NVL: variants seen among roughly 807,000 people sequenced by gnomAD.
The protein encoded by NVL is nuclear VCP like.
A neutral mutation model predicts 110.2 loss-of-function variants in NVL; 84 were observed. The ratio of observed to expected loss-of-function variants is 0.76; its 90% confidence interval spans 0.64 to 0.91. NVL has a LOEUF of 0.91. Among genes scored for constraint, NVL ranks in the 40% least tolerant of loss-of-function variants. The pLI is 0.00. For synonymous variants in NVL, 354 were observed against 361.1 expected (o/e 0.98, Z 0.22); for missense variants, 882 against 1,035.9 (o/e 0.85, Z 2.04).
intron 19 of NVL, among the ~76,000 whole-genome samples, chr1:224,243,840 T>G (rs1661492757): frequency 6.6e-6 from 1 of 151,570 alleles, no homozygotes; most frequent in African/African-American, 2.4e-5. Flanking sequence ...TTTTGTATTT[T>G]TAGTAGAGAC....
intron 18 of NVL, among the ~76,000 whole-genome samples, chr1:224,254,998 A>AGTAGCTGGGATTCCAGGCATGCACCAC (rs1170806693): frequency 6.6e-6 from 1 of 151,020 alleles, no homozygotes. Context: ...CAGCCTCCCA[A>AGTAGCTGGGATTCCAGGCATGCACCAC]GTAGCTGGGA....
chr1:224,254,563 GTTTT>G (rs71572893), intron 18 of NVL, among the ~76,000 whole-genome samples: 1 of 36,702 alleles, frequency 2.7e-5, no homozygotes. Flanking sequence ...CGGCTAATTT[GTTTT>G]TTTTGTTTTT....
In NVL at chr1:224,289,746, C is replaced by A. The variant is rs1558311776; in HGVS notation, c.1326-13G>T. 4 of 1,590,104 alleles carry A rather than the reference C, an allele frequency of 2.5e-6. No individual in the cohort carries two copies. The highest frequency in any genetic ancestry group is 3.6e-5 in the Admixed American group (2 of 56,288). ...TGTTTGAAGTATTCTGTAGAAAAGA[C>A]AGGGGAAAAAATTTCTGATTCCTGA... On this transcript the variant is annotated splice_polypyrimidine_tract_variant and intron_variant, in intron 12 of 22. Transcript: ENST00000281701.
At chr1:224,324,746 G>A (rs1670976429) in intron 2 of NVL, among the ~76,000 whole-genome samples, 1 of 152,198 alleles carries the variant, frequency 6.6e-6, no homozygotes, top group African/African-American at 2.4e-5. Flanking sequence ...ATATTGAGAT[G>A]AGAGTTTGGA....
At chr1:224,227,700 G>A (rs1377815262) in intron 22 of NVL, 30 bp from the exon 23 acceptor site, 16 of 1,599,272 alleles carry the variant, frequency 1.0e-5, no homozygotes, top group Non-Finnish European at 1.4e-5. Flanking sequence ...AGAATACAGA[G>A]ACCGTCACTG....
intron 10 of NVL, among the ~76,000 whole-genome samples, chr1:224,298,934 A>T (rs1360618040): frequency 6.6e-6 from 1 of 152,206 alleles, no homozygotes; most frequent in African/African-American, 2.4e-5. Context: ...AAATTCTGTT[A>T]TATATATTTT....
chr1:224,283,967 G>A (rs1008775596), intron 15 of NVL, among the ~76,000 whole-genome samples: 5 of 152,140 alleles, frequency 3.3e-5, no homozygotes, highest in Non-Finnish European at 7.4e-5. Context: ...CTATAATTTG[G>A]TTGCTGTTGT....
chr1:224,273,150 C>T (rs543703430), intron 17 of NVL, among the ~76,000 whole-genome samples: 2 of 151,436 alleles, frequency 1.3e-5, no homozygotes, highest in East Asian at 2.0e-4. Context: ...TGGTGGCTCA[C>T]GCCTCTAATC....
At chr1:224,287,288 A>G (rs1375188289) in intron 14 of NVL, among the ~76,000 whole-genome samples, 2 of 152,216 alleles carry the variant, frequency 1.3e-5, no homozygotes, top group Non-Finnish European at 2.9e-5. Context: ...GATGAGTATA[A>G]TGAAGAGAAG....
At chr1:224,239,093 T>C (rs922989447) in intron 19 of NVL, among the ~76,000 whole-genome samples, 2 of 152,184 alleles carry the variant, frequency 1.3e-5, no homozygotes, top group Non-Finnish European at 2.9e-5. Flanking sequence ...TAACAATTCA[T>C]GGAGCTGGAC....
chr1:224,267,348 A>T lies in NVL; in HGVS notation c.2182+686T>A, dbSNP rs904211712. Among the ~76,000 whole-genome samples the T allele has an allele frequency of 5.9e-5, 9 of 152,164 alleles. 1 individual carries two copies. The highest frequency in any genetic ancestry group is 5.9e-4 in the Admixed American group (9 of 15,262). ...GTCTCGTTTTTGTTTCCTATAAGCT[A>T]GAGAGAAACCACAAAACACAAATTC... On this transcript the variant is annotated intron_variant, in intron 18 of 22. Coordinates refer to ENST00000281701, the MANE Select transcript of NVL (RefSeq NM_002533.4).
intron 6 of NVL, 134 bp downstream of exon 6, chr1:224,307,857 G>A: frequency 1.3e-6 from 1 of 741,158 alleles, no homozygotes; most frequent in South Asian, 2.8e-5. Context: ...GCAGTGCAAT[G>A]TGATCAAATT....
rs544735359 is a variant in NVL at position 224,254,836 on chromosome 1, G to A, written c.2183-4518C>T. 1.1e-4 allele frequency among the ~76,000 whole-genome samples: 16 copies of A among 150,858 alleles called. No homozygotes were observed. In the South Asian group the frequency reaches 2.9e-3, roughly 28 times the overall value. Reference sequence around the variant, plus strand: ...AGATCACTTAAAATCTACTTTCTTGGCAATTTTCAAGTACCTTTTGGCTAC... The same window carrying A: ...AGATCACTTAAAATCTACTTTCTTGACAATTTTCAAGTACCTTTTGGCTAC... On this transcript the variant is annotated intron_variant, in intron 18 of 22. Coordinates refer to ENST00000281701, the MANE Select transcript of NVL (RefSeq NM_002533.4).
chr1:224,236,172 C>T (rs1024404067), intron 20 of NVL, among the ~76,000 whole-genome samples: 2 of 152,112 alleles, frequency 1.3e-5, no homozygotes, highest in Admixed American at 6.6e-5. Flanking sequence ...GAAAATGCAT[C>T]CTGAGGGCTG....
In NVL at chr1:224,233,200, C is replaced by T. The variant is rs1296325538; in HGVS notation, c.2455+1G>A. ...TTGAGAGATTCTGGAGAGAATTGTA[C>T]CTTTTTCATTTCCACTCTTCTGTCT... On this transcript the variant is annotated splice_donor_variant, in intron 21 of 22. Transcript: ENST00000281701. LOFTEE classifies it high-confidence loss of function. The T allele has an allele frequency of 6.2e-7, 1 of 1,609,378 alleles. No homozygotes were observed. The highest frequency in any genetic ancestry group is 1.1e-5 in the South Asian group (1 of 90,130).
rs1264156092 is a variant in NVL, at chr1:224,304,901, C to T, written c.749-89G>A. On this transcript the variant is annotated intron_variant, in intron 7 of 22. Coordinates refer to ENST00000281701, the MANE Select transcript of NVL (RefSeq NM_002533.4). ...AATAGTCTTTAAGTAAACAAAGGTCCATTAAATATAGAAATATTTCCTGGT... is the reference window on the plus strand; with the variant it reads ...AATAGTCTTTAAGTAAACAAAGGTCTATTAAATATAGAAATATTTCCTGGT... 2.7e-6 allele frequency: 4 copies of T among 1,482,284 alleles called. No homozygotes were observed. In the African/African-American group the frequency reaches 4.2e-5, roughly 16 times the overall value. 91.8% of individuals were successfully genotyped at this position (1,482,284 alleles called of 1,614,324 possible). A position where few individuals can be genotyped will look rare whatever the true frequency, so the allele number is the denominator to read the frequency against.
intron 8 of NVL, 33 bp downstream of exon 8, chr1:224,304,703 C>T: frequency 1.3e-6 from 2 of 1,511,370 alleles, no homozygotes; most frequent in South Asian, 2.3e-5. Context: ...AGTAATATAT[C>T]CATTTGAGGT....
At chr1:224,229,809 T>C (rs1049484475) in intron 22 of NVL, among the ~76,000 whole-genome samples, 3 of 152,164 alleles carry the variant, frequency 2.0e-5, no homozygotes, top group Admixed American at 6.5e-5. Flanking sequence ...AAAGAAATAC[T>C]TGAAGTGTGT....
intron 16 of NVL, 26 bp downstream of exon 16, chr1:224,281,092 CTAAAA>C: frequency 6.3e-7 from 1 of 1,579,178 alleles, no homozygotes; most frequent in Non-Finnish European, 8.7e-7. Context: ...TTTTTCTAAT[CTAAAA>C]TAATGGTTCT....
Sources: gnomAD v4.1 joint callset for allele counts (sites outside exome capture counted in the v4.1 genomes callset) on GRCh38, gnomAD v4.1.1 for gene constraint, MANE v1.5 for transcripts, NCBI Gene and HGNC (gene_info 2026-07-23, HGNC 2026-07-21) for gene names.